OVAAL: variants seen among roughly 807,000 people sequenced by gnomAD.
OVAAL encodes long intergenic non-protein coding RNA 1131.
At chr1:180,560,933 C>T (rs1048168205) in intron 1 of OVAAL, among the ~76,000 whole-genome samples, 7 of 152,286 alleles carry the variant, frequency 4.6e-5, no homozygotes, top group South Asian at 2.1e-4. Context: ...AAGAACGCCA[C>T]GCTTACATTT....
At chr1:180,561,698 G>A (rs1205043684) in intron 1 of OVAAL, among the ~76,000 whole-genome samples, 1 of 151,646 alleles carries the variant, frequency 6.6e-6, no homozygotes, top group Non-Finnish European at 1.5e-5. Context: ...AGTGGGTATG[G>A]TCATAATAAT....
At chr1:180,561,353 C>T (rs1653195962) in intron 1 of OVAAL, among the ~76,000 whole-genome samples, 1 of 152,130 alleles carries the variant, frequency 6.6e-6, no homozygotes, top group Non-Finnish European at 1.5e-5. Context: ...ACAGAGGATG[C>T]AGTGGGCATT....
intron 1 of OVAAL, chr1:180,562,131 T>C (rs1353247276): frequency 6.6e-6 from 1 of 152,348 alleles, no homozygotes; most frequent in East Asian, 1.9e-4. Context: ...CAAGGCTTTC[T>C]GGTCAGTCTG....
intron 2 of OVAAL, among the ~76,000 whole-genome samples, chr1:180,562,671 T>A (rs1037793617): frequency 1.3e-5 from 2 of 152,234 alleles, no homozygotes; most frequent in East Asian, 1.9e-4. Flanking sequence ...GTGCTGAATA[T>A]GAAGTGAGGC....
At chr1:180,563,800 G>A (rs766553694) in intron 2 of OVAAL, among the ~76,000 whole-genome samples, 10 of 152,078 alleles carry the variant, frequency 6.6e-5, no homozygotes, top group Admixed American at 5.2e-4. Context: ...GTGTGAGTCC[G>A]CACGCCCAAC....
intron 2 of OVAAL, among the ~76,000 whole-genome samples, chr1:180,563,804 G>T (rs941742512): frequency 6.6e-6 from 1 of 152,074 alleles, no homozygotes; most frequent in African/African-American, 2.4e-5. Flanking sequence ...GAGTCCGCAC[G>T]CCCAACTCCT....
chr1:180,561,938 G>T (rs1382043730), intron 1 of OVAAL, among the ~76,000 whole-genome samples: 1 of 151,638 alleles, frequency 6.6e-6, no homozygotes, highest in African/African-American at 2.4e-5. Flanking sequence ...CAAGAGAATT[G>T]CTTGAACTAG....
intron 2 of OVAAL, among the ~76,000 whole-genome samples, chr1:180,563,372 T>C (rs1456828775): frequency 2.0e-5 from 3 of 152,142 alleles, no homozygotes; most frequent in Admixed American, 6.5e-5. Context: ...GTGAATGGAA[T>C]TGTTAACAGT....
intron 2 of OVAAL, among the ~76,000 whole-genome samples, chr1:180,563,055 A>G (rs1182827388): frequency 2.0e-5 from 3 of 152,192 alleles, no homozygotes; most frequent in Non-Finnish European, 4.4e-5. Flanking sequence ...TGGGCAAGTA[A>G]GGAGTCTCCC....
chr1:180,566,352 G>A (rs529209886), exon 3 of OVAAL: 1 of 152,172 alleles, frequency 6.6e-6, no homozygotes, highest in African/African-American at 2.4e-5. Context: ...TTAAACAATG[G>A]GTATTGAAAA....
At chr1:180,560,312 G>A (rs896353556) in intron 1 of OVAAL, among the ~76,000 whole-genome samples, 2 of 152,118 alleles carry the variant, frequency 1.3e-5, no homozygotes, top group Non-Finnish European at 2.9e-5. Context: ...AAGCCCACAA[G>A]CACTCGATAT....
At chr1:180,566,399 CCAGT>C (rs1240757969) in exon 3 of OVAAL, 1 of 152,158 alleles carries the variant, frequency 6.6e-6, no homozygotes, top group African/African-American at 2.4e-5. Flanking sequence ...CTAGCTTTTA[CCAGT>C]CAGTGTTTTC....
At chr1:180,563,984 C>T (rs1189392650) in intron 2 of OVAAL, among the ~76,000 whole-genome samples, 1 of 152,002 alleles carries the variant, frequency 6.6e-6, no homozygotes, top group African/African-American at 2.4e-5. Flanking sequence ...GTGTGGGGAC[C>T]CTCTTCTGTC....
exon 3 of OVAAL, chr1:180,565,334 T>A (rs894895562): frequency 6.6e-6 from 1 of 152,334 alleles, no homozygotes; most frequent in African/African-American, 2.4e-5. Context: ...CTGCAGCCTA[T>A]ACTGATGACA....
chr1:180,560,482 G>A (rs932031796), intron 1 of OVAAL, among the ~76,000 whole-genome samples: 1 of 152,052 alleles, frequency 6.6e-6, no homozygotes, highest in Admixed American at 6.5e-5. Context: ...TTCCTCCTAG[G>A]GTGTCTCAAA....
chr1:180,564,892 G>A (rs796423277), intron 2 of OVAAL, among the ~76,000 whole-genome samples: 54 of 152,238 alleles, frequency 3.5e-4, no homozygotes, highest in African/African-American at 1.3e-3. Context: ...GGCATCCATG[G>A]GTTCCCAAAA....
intron 1 of OVAAL, among the ~76,000 whole-genome samples, chr1:180,560,283 T>C (rs903791606): frequency 6.6e-6 from 1 of 152,014 alleles, no homozygotes; most frequent in Non-Finnish European, 1.5e-5. Flanking sequence ...GTAGGTGATA[T>C]CGAGGAGTTC....
intron 2 of OVAAL, among the ~76,000 whole-genome samples, chr1:180,563,395 C>T (rs184076851): frequency 4.6e-5 from 7 of 152,212 alleles, no homozygotes; most frequent in East Asian, 3.9e-4. Context: ...AGAATTCGTA[C>T]GGGTCGGCAG....
chr1:180,560,468 G>T (rs116156359), intron 1 of OVAAL, among the ~76,000 whole-genome samples: 243 of 152,224 alleles, frequency 1.6e-3, no homozygotes, highest in African/African-American at 5.8e-3. Context: ...CTACTGTTTA[G>T]CTGTTCCTCC....
Sources: allele counts gnomAD v4.1 joint callset (sites outside exome capture counted in the v4.1 genomes callset), GRCh38; gene constraint gnomAD v4.1.1; transcripts MANE v1.5; gene names NCBI Gene and HGNC (gene_info 2026-07-23, HGNC 2026-07-21).